Variants in SDK2 observed in about 807,000 individuals in gnomAD.
The protein encoded by SDK2 is protein sidekick-2.
SDK2 carries 105 observed loss-of-function variants against 253.9 expected under a neutral mutation model. The ratio of observed to expected loss-of-function variants is 0.41; its 90% confidence interval spans 0.35 to 0.49. The LOEUF (loss-of-function observed/expected upper bound fraction) is 0.49. SDK2 is among the 20% of genes least tolerant of loss of function. The probability of loss-of-function intolerance (pLI) is 0.06; values close to 1 mark genes in which losing one functional copy is unlikely to be tolerated. For missense variants in SDK2, 2,608 were observed against 3,003.0 expected (o/e 0.87, Z 3.07); for synonymous variants, 1,249 against 1,234.9 (o/e 1.01, Z -0.24).
intron 44 of SDK2, among the ~76,000 whole-genome samples, chr17:73,342,614 G>C (rs1314214372): frequency 6.6e-6 from 1 of 152,220 alleles, no homozygotes; most frequent in Non-Finnish European, 1.5e-5. Context: ...GTTAGCATCA[G>C]CTCCAGGGGT....
chr17:73,341,900 A>G (rs2062440250), intron 44 of SDK2, among the ~76,000 whole-genome samples: 1 of 152,060 alleles, frequency 6.6e-6, no homozygotes, highest in Admixed American at 6.5e-5. Context: ...TTGCTACCTG[A>G]GCACCGACGC....
rs1599748200 is a variant in SDK2, at chr17:73,642,188, T to G, written c.64+1837A>C. 6.6e-6 allele frequency among the ~76,000 whole-genome samples: 1 copy of G among 151,848 alleles called. No homozygotes were observed. Among genetic ancestry groups the G allele is most frequent in the Non-Finnish European group, 1.5e-5 (1 of 67,940 alleles). On this transcript the variant is annotated intron_variant, in intron 1 of 44. Transcript: ENST00000392650. The surrounding 1 kb of genome is among the most constrained non-coding windows in gnomAD (Gnocchi z 4.7). ...CTTGGCCTCAAGTGGATGGCACAGG[T>G]GTGGACGTGGGGCAGGAAGGGACAC...
rs1248437429 is a variant in SDK2 at position 73,643,900 on chromosome 17, G to C, written c.64+125C>G. ...ATGGGGTGTCTTGAAACTCCCTGGAGAGGGCTCTGCCACGGCTAAGCCGGG... is the reference window on the plus strand; with the variant it reads ...ATGGGGTGTCTTGAAACTCCCTGGACAGGGCTCTGCCACGGCTAAGCCGGG... On this transcript the variant is annotated intron_variant, in intron 1 of 44. Transcript: ENST00000392650. The surrounding 1 kb of genome is among the most constrained non-coding windows in gnomAD (Gnocchi z 6.9). The C allele has an allele frequency of 2.5e-6, 2 of 815,414 alleles. No homozygotes were observed. The highest frequency in any genetic ancestry group is 4.0e-6 in the Non-Finnish European group (2 of 504,984). 50.5% of individuals were successfully genotyped at this position (815,414 alleles called of 1,614,324 possible). A position where few individuals can be genotyped will look rare whatever the true frequency, so the allele number is the denominator to read the frequency against.
intron 41 of SDK2, among the ~76,000 whole-genome samples, chr17:73,351,640 A>T (rs148269131): frequency 3.3e-5 from 5 of 152,190 alleles, no homozygotes; most frequent in Non-Finnish European, 7.4e-5. Flanking sequence ...GAAAAACCAG[A>T]GTGTGGTGAG....
rs146383759 is a variant in SDK2 at position 73,541,722 on chromosome 17, C to T, written c.65-34125G>A. ...ATGCACAGCGGCAGAAGGAAGGGGG[C>T]GCGGGGCGGAGTCACGCTGAGTGAC... is the stretch of plus-strand genomic sequence containing the variant. On this transcript the variant is annotated intron_variant, in intron 1 of 44. Coordinates refer to ENST00000392650, the MANE Select transcript of SDK2 (RefSeq NM_001144952.2). This position sits in a 1 kb window ranked among gnomAD's most constrained non-coding sequence, Gnocchi z 4.3. Among the ~76,000 whole-genome samples, 3,159 of 152,250 alleles carry T rather than the reference C, an allele frequency of 0.021. 68 individuals carry two copies. Among genetic ancestry groups the T allele is most frequent in the Non-Finnish European group, 0.027 (1,815 of 68,022 alleles).
intron 4 of SDK2, among the ~76,000 whole-genome samples, chr17:73,448,570 T>C (rs1023498179): frequency 6.6e-5 from 10 of 152,182 alleles, no homozygotes; most frequent in African/African-American, 2.4e-4. Flanking sequence ...TTCACTTTGT[T>C]AGCCAGGATG....
At chr17:73,529,741 C>T (rs1472052368) in intron 1 of SDK2, among the ~76,000 whole-genome samples, 2 of 152,088 alleles carry the variant, frequency 1.3e-5, no homozygotes, top group Non-Finnish European at 2.9e-5. Context: ...CAAGGGTTGC[C>T]GGCAAACACC....
At chr17:73,529,624 G>A (rs192147286) in intron 1 of SDK2, among the ~76,000 whole-genome samples, 2 of 152,228 alleles carry the variant, frequency 1.3e-5, no homozygotes, top group East Asian at 3.9e-4. Context: ...CCAATGACTA[G>A]TGCCCTTACA....
intron 3 of SDK2, among the ~76,000 whole-genome samples, chr17:73,463,008 G>T (rs7213360): frequency 0.39 from 59,116 of 152,110 alleles, 12,051 homozygotes; most frequent in East Asian, 0.52. Flanking sequence ...GCTAAGAGGC[G>T]GTCTGTTCAG....
chr17:73,353,213 G>C (rs1047800232), intron 40 of SDK2, among the ~76,000 whole-genome samples: 26 of 152,136 alleles, frequency 1.7e-4, no homozygotes, highest in Non-Finnish European at 3.4e-4. Context: ...CCACCGTCCA[G>C]AGAAACAGGC....
intron 36 of SDK2, among the ~76,000 whole-genome samples, chr17:73,373,314 G>A (rs1283827974): frequency 1.3e-5 from 2 of 152,208 alleles, no homozygotes; most frequent in Admixed American, 6.5e-5. Context: ...GAATGATGCT[G>A]AAATTAACAT....
intron 2 of SDK2, among the ~76,000 whole-genome samples, chr17:73,478,399 C>A (rs2063700381): frequency 6.6e-6 from 1 of 152,086 alleles, no homozygotes; most frequent in South Asian, 2.1e-4. Flanking sequence ...GTAGAGAGAG[C>A]ACCTCAGGGG....
chr17:73,556,323 G>A (rs1381655062), intron 1 of SDK2, among the ~76,000 whole-genome samples: 1 of 131,378 alleles, frequency 7.6e-6, no homozygotes, highest in Non-Finnish European at 1.6e-5. Flanking sequence ...CGGAGTTTGG[G>A]TTTTTTTTAT....
intron 18 of SDK2, among the ~76,000 whole-genome samples, chr17:73,405,742 CAG>C (rs1372072406): frequency 1.4e-5 from 2 of 145,394 alleles, no homozygotes; most frequent in Admixed American, 1.4e-4. Context: ...TTTTTTGAGA[CAG>C]AGTCTCGCTC....
At chr17:73,525,049 G>C (rs189140153) in intron 1 of SDK2, among the ~76,000 whole-genome samples, 2 of 152,268 alleles carry the variant, frequency 1.3e-5, no homozygotes, top group Non-Finnish European at 1.5e-5. Context: ...GCCCTGGGCA[G>C]CCAGGCTACT....
At chr17:73,619,270 G>A (rs552322696) in intron 1 of SDK2, among the ~76,000 whole-genome samples, 21 of 152,022 alleles carry the variant, frequency 1.4e-4, no homozygotes, top group Middle Eastern at 6.9e-3. Context: ...ATGGCACAAC[G>A]TGAGTTTCCT....
rs1242728631 is a variant in SDK2 at position 73,639,825 on chromosome 17, ACAG to A, written c.64+4197_64+4199del. On this transcript the variant is annotated intron_variant, in intron 1 of 44. Transcript: ENST00000392650. The surrounding 1 kb of genome is among the most constrained non-coding windows in gnomAD (Gnocchi z 4.3). ...TCTTCATCAGCATAAAACATAGCTA[ACAG>A]CCAGCTGGTGTTGAGCAGTAGTGAG... is the stretch of plus-strand genomic sequence containing the variant. Among the ~76,000 whole-genome samples the A allele has an allele frequency of 6.6e-6, 1 of 152,118 alleles. No homozygotes were observed. The highest frequency in any genetic ancestry group is 1.5e-5 in the Non-Finnish European group (1 of 68,012).
intron 9 of SDK2, among the ~76,000 whole-genome samples, chr17:73,434,748 A>G (rs1305662558): frequency 6.6e-6 from 1 of 152,124 alleles, no homozygotes; most frequent in African/African-American, 2.4e-5. Context: ...CTCTCACTTC[A>G]GCATCCCTAG....
chr17:73,385,748 G>T, intron 32 of SDK2, 99 bp downstream of exon 32: 2 of 1,108,910 alleles, frequency 1.8e-6, no homozygotes, highest in Non-Finnish European at 2.7e-6. Context: ...CAGAGAACTT[G>T]GGGGCTCCAC....
Sources: allele counts gnomAD v4.1 joint callset (sites outside exome capture counted in the v4.1 genomes callset), GRCh38; gene constraint gnomAD v4.1.1; non-coding constraint Gnocchi (gnomAD v3.1); transcripts MANE v1.5; gene names NCBI Gene and HGNC (gene_info 2026-07-23, HGNC 2026-07-21).